Variants in PLCB1 observed in about 807,000 individuals in gnomAD.
The protein encoded by PLCB1 is phospholipase C beta 1, also known as 1-phosphatidylinositol 4,5-bisphosphate phosphodiesterase beta-1.
In PLCB1, 46 loss-of-function variants were observed where a neutral mutation model predicts 161.8. The observed-to-expected ratio is 0.28, with a 90% confidence interval of 0.22 to 0.36. PLCB1 has a LOEUF of 0.36. Ranked by LOEUF, PLCB1 falls within the 10% of genes least tolerant of loss-of-function variation. PLCB1 has a pLI of 1.00. For synonymous variants in PLCB1, 517 were observed against 503.7 expected, an observed-to-expected ratio of 1.03 and a Z score of -0.35; for missense variants, 1,016 against 1,472.5, an observed-to-expected ratio of 0.69 and a Z score of 5.07.
At chr20:8,252,463 G>GA (rs5840258) in intron 2 of PLCB1, among the ~76,000 whole-genome samples, 11 of 148,062 alleles carry the variant, frequency 7.4e-5, no homozygotes, top group East Asian at 5.9e-4. Context: ...TGGAATGGAA[G>GA]AAAAAAAAAA....
chr20:8,749,355 T>C (rs1340076195), intron 23 of PLCB1, among the ~76,000 whole-genome samples: 1 of 152,162 alleles, frequency 6.6e-6, no homozygotes, highest in Non-Finnish European at 1.5e-5. Context: ...TTCCATCCAC[T>C]CTAAAATGAC....
At position 8,881,717 on chromosome 20, in the gene PLCB1, C is replaced by T. The variant is rs369783351; in HGVS notation, c.3519C>T (p.Ile1173=). Residue 1173 remains isoleucine, a synonymous_variant, in exon 32 of 32, where the codon ATC becomes ATT. Coordinates refer to ENST00000338037, the MANE Select transcript of PLCB1 (RefSeq NM_015192.4). The part of the protein sequence containing the change: ...EFVQEAMKGK[I]SEDSNHGSAP... ...TGCAGGAAGCCATGAAAGGAAAGAT[C>T]AGTGAAGACAGCAATCACGGTTCTG... 3 of 1,613,908 alleles carry T rather than the reference C, an allele frequency of 1.9e-6. No homozygotes were observed. The African/African-American group carries it at 4.0e-5, about 22-fold the overall frequency.
intron 3 of PLCB1, among the ~76,000 whole-genome samples, chr20:8,560,889 G>C (rs1311513793): frequency 6.6e-6 from 1 of 151,948 alleles, no homozygotes; most frequent in Non-Finnish European, 1.5e-5. Flanking sequence ...AGTAAAATGG[G>C]TGGCATTGTC....
At chr20:8,832,593 C>T (rs1189623250) in intron 31 of PLCB1, among the ~76,000 whole-genome samples, 1 of 152,066 alleles carries the variant, frequency 6.6e-6, no homozygotes, top group Non-Finnish European at 1.5e-5. Flanking sequence ...TATTGCCTTT[C>T]CATGGATTAG....
At chr20:8,594,093 C>T (rs564687601) in intron 3 of PLCB1, among the ~76,000 whole-genome samples, 81 of 152,100 alleles carry the variant, frequency 5.3e-4, no homozygotes, top group African/African-American at 1.7e-3. Flanking sequence ...ATATTGCCCA[C>T]GCTGGTCTTG....
chr20:8,853,823 G>C lies in PLCB1; in HGVS notation c.3424-27799G>C, dbSNP rs1986971106. Among the ~76,000 whole-genome samples the C allele has an allele frequency of 2.0e-5, 3 of 152,206 alleles. No homozygotes were observed. The South Asian group carries it at 6.2e-4, about 31-fold the overall frequency. On this transcript the variant is annotated intron_variant, in intron 31 of 31. Transcript: ENST00000338037. ...CTTTCTTCTCCTTCCACAGTCCCCT[G>C]TGCTGAGGCATTTTATGTGATTGTG...
rs1239053675 is a variant in PLCB1, at chr20:8,697,801, T to C, written c.1167+18T>C. ...CTTTCAAGGTAGAGTATATGAATGT[T>C]ACTAAGAGAGGCAGCTGGAGACACC... On this transcript the variant is annotated intron_variant, in intron 11 of 31. Coordinates refer to ENST00000338037, the MANE Select transcript of PLCB1 (RefSeq NM_015192.4). 6.2e-7 allele frequency: 1 copy of C among 1,611,392 alleles called. No individual in the cohort carries two copies. Among genetic ancestry groups the C allele is most frequent in the Non-Finnish European group, 8.5e-7 (1 of 1,177,986 alleles).
At chr20:8,156,375 T>C (rs369969422) in intron 2 of PLCB1, among the ~76,000 whole-genome samples, 1 of 152,206 alleles carries the variant, frequency 6.6e-6, no homozygotes, top group African/African-American at 2.4e-5. Context: ...CTTCCTTCCC[T>C]TCCTGTCTCA....
intron 31 of PLCB1, among the ~76,000 whole-genome samples, chr20:8,880,547 G>A (rs1391076709): frequency 6.6e-6 from 1 of 152,186 alleles, no homozygotes; most frequent in Non-Finnish European, 1.5e-5. Context: ...GGCAAAATAA[G>A]TCAAAATAAA....
chr20:8,880,627 T>C (rs376549549), intron 31 of PLCB1, among the ~76,000 whole-genome samples: 10 of 152,276 alleles, frequency 6.6e-5, no homozygotes, highest in East Asian at 1.9e-4. Context: ...GACCCCAGCA[T>C]TGGCTTCCAG....
chr20:8,517,146 A>G (rs191037858), intron 3 of PLCB1, among the ~76,000 whole-genome samples: 3 of 152,278 alleles, frequency 2.0e-5, no homozygotes, highest in Admixed American at 2.0e-4. Flanking sequence ...GTAATGGCAT[A>G]GAAGTGTTTG....
At chr20:8,478,377 A>G (rs1286073881) in intron 3 of PLCB1, among the ~76,000 whole-genome samples, 2 of 152,246 alleles carry the variant, frequency 1.3e-5, no homozygotes, top group Non-Finnish European at 2.9e-5. Flanking sequence ...AGCAGAAAAA[A>G]AAAATTAGTG....
At chr20:8,714,332 G>A (rs935234839) in intron 12 of PLCB1, among the ~76,000 whole-genome samples, 1 of 152,126 alleles carries the variant, frequency 6.6e-6, no homozygotes, top group South Asian at 2.1e-4. Context: ...GGAGGGTTTG[G>A]CCATTTCTTT....
At chr20:8,497,509 T>C (rs1270475155) in intron 3 of PLCB1, among the ~76,000 whole-genome samples, 1 of 152,196 alleles carries the variant, frequency 6.6e-6, no homozygotes, top group Non-Finnish European at 1.5e-5. Flanking sequence ...TGGCACTTTC[T>C]AAAAACCAGA....
intron 27 of PLCB1, among the ~76,000 whole-genome samples, chr20:8,787,980 C>T (rs1415800191): frequency 6.6e-6 from 1 of 152,190 alleles, no homozygotes. Flanking sequence ...TTATAACTTG[C>T]TGTTGATTAT....
In PLCB1 at chr20:8,356,004, A is replaced by G. The variant is rs747207665; in HGVS notation, c.178-15378A>G. ...AGCTTTAAAAATAGACCTGCAGAAT[A>G]GATATGGTATAAAGTGAGACTCCAT... On this transcript the variant is annotated intron_variant, in intron 2 of 31. Coordinates refer to ENST00000338037, the MANE Select transcript of PLCB1 (RefSeq NM_015192.4). Among the ~76,000 whole-genome samples the G allele has an allele frequency of 4.4e-4, 67 of 152,168 alleles. 1 individual carries two copies. The highest frequency in any genetic ancestry group is 6.6e-4 in the Non-Finnish European group (45 of 68,034).
chr20:8,212,024 C>T (rs1197978566), intron 2 of PLCB1, among the ~76,000 whole-genome samples: 1 of 152,028 alleles, frequency 6.6e-6, no homozygotes, highest in Non-Finnish European at 1.5e-5. Context: ...AGTAATTATG[C>T]TCCGACGTCA....
intron 7 of PLCB1, among the ~76,000 whole-genome samples, chr20:8,655,572 G>A (rs1465982064): frequency 6.6e-6 from 1 of 152,030 alleles, no homozygotes; most frequent in Non-Finnish European, 1.5e-5. Flanking sequence ...TAAATAGACG[G>A]GAAGGAAAAG....
intron 3 of PLCB1, among the ~76,000 whole-genome samples, chr20:8,555,534 T>C (rs910913082): frequency 6.6e-6 from 1 of 152,122 alleles, no homozygotes; most frequent in Non-Finnish European, 1.5e-5. Context: ...ACACACTTTC[T>C]ACTTCCTGTT....
Sources: gnomAD v4.1 joint callset for allele counts (sites outside exome capture counted in the v4.1 genomes callset) on GRCh38, gnomAD v4.1.1 for gene constraint, MANE v1.5 for transcripts, NCBI Gene and HGNC (gene_info 2026-07-23, HGNC 2026-07-21) for gene names.